CADM1: variants seen among roughly 807,000 people sequenced by gnomAD.
CADM1 encodes cell adhesion molecule 1.
In CADM1, 15 loss-of-function variants were observed where a neutral mutation model predicts 53.1. That is an observed-to-expected ratio of 0.28 (90% CI 0.19 to 0.44). The LOEUF is 0.44. Among genes scored for constraint, CADM1 ranks in the 20% least tolerant of loss-of-function variants. The pLI, the probability that CADM1 is intolerant of heterozygous loss-of-function variation, is 1.00. For synonymous variants in CADM1, 281 were observed against 243.0 expected, an observed-to-expected ratio of 1.16 and a Z score of -1.45; for missense variants, 434 against 611.3, an observed-to-expected ratio of 0.71 and a Z score of 3.06.
intron 1 of CADM1, among the ~76,000 whole-genome samples, chr11:115,455,268 C>T (rs1449418098): frequency 2.0e-5 from 3 of 151,886 alleles, no homozygotes; most frequent in Non-Finnish European, 2.9e-5. Context: ...TTAAAAATCA[C>T]GTGCAACTCC....
At position 115,174,733 on chromosome 11, in the gene CADM1, A is replaced by C; in HGVS notation, c.*1741T>G. On this transcript the variant is annotated 3_prime_UTR_variant, in exon 12 of 12. Coordinates refer to ENST00000331581, the MANE Select transcript of CADM1 (RefSeq NM_001301043.2). ...ATCCAAAATTACTCACTGAAAATGT[A>C]ATAGAATATATATTTATATATATAT... 1.1e-6 allele frequency: 1 copy of C among 888,358 alleles called. No homozygotes were observed. The allele number at this position is 888,358 out of a possible 1,614,324, so 55.0% of individuals were successfully genotyped here. A position where few individuals can be genotyped will look rare whatever the true frequency, so the allele number is the denominator to read the frequency against.
Position 115,176,013 on chromosome 11 carries a change from T to C in CADM1, c.*461A>G, listed in dbSNP as rs935280605. The C allele has an allele frequency of 9.6e-7, 1 of 1,040,508 alleles. No homozygotes were observed. The highest frequency in any genetic ancestry group is 1.2e-6 in the Non-Finnish European group (1 of 864,256). The allele number at this position is 1,040,508 out of a possible 1,614,324, so 64.5% of individuals were successfully genotyped here. On this transcript the variant is annotated 3_prime_UTR_variant, in exon 12 of 12. Transcript: ENST00000331581. Reference sequence around the variant, plus strand: ...CAGTTACCATAAAAATAAACAAAAGTAAAAAACTAGAACAGAAAAGGGAAG... The same window carrying C: ...CAGTTACCATAAAAATAAACAAAAGCAAAAAACTAGAACAGAAAAGGGAAG...
intron 1 of CADM1, 64 bp downstream of exon 1, chr11:115,504,205 CTG>C: frequency 6.4e-7 from 1 of 1,551,202 alleles, no homozygotes; most frequent in Non-Finnish European, 8.7e-7. Flanking sequence ...TTTCCCCCCT[CTG>C]TGGCCAAGGC....
intron 1 of CADM1, among the ~76,000 whole-genome samples, chr11:115,456,810 A>C (rs138366738): frequency 2.1e-3 from 323 of 152,280 alleles, no homozygotes; most frequent in African/African-American, 7.3e-3. Flanking sequence ...CACCATATCA[A>C]TGTAATATTT....
chr11:115,176,064 G>C lies in CADM1; in HGVS notation c.*410C>G. ...GAAAAGAGTCTAAGGAATCCCAGCA[G>C]GCAAATTCCAAAATGGGAGATTTTG... is the stretch of plus-strand genomic sequence containing the variant. On this transcript the variant is annotated 3_prime_UTR_variant, in exon 12 of 12. Transcript: ENST00000331581. The C allele has an allele frequency of 4.6e-6, 5 of 1,086,186 alleles. No individual in the cohort carries two copies. The highest frequency in any genetic ancestry group is 5.6e-6 in the Non-Finnish European group (5 of 890,746). 67.3% of individuals were successfully genotyped at this position (1,086,186 alleles called of 1,614,324 possible). A position where few individuals can be genotyped will look rare whatever the true frequency, so the allele number is the denominator to read the frequency against.
chr11:115,189,499 G>A (rs981997863), intron 10 of CADM1, among the ~76,000 whole-genome samples: 1 of 152,112 alleles, frequency 6.6e-6, no homozygotes, highest in African/African-American at 2.4e-5. Context: ...CCAGAACTGA[G>A]ACTGTCTATT....
intron 1 of CADM1, among the ~76,000 whole-genome samples, chr11:115,363,103 T>A (rs1020690372): frequency 1.3e-5 from 2 of 152,198 alleles, no homozygotes; most frequent in East Asian, 1.9e-4. Flanking sequence ...ATCAATCTTA[T>A]AAGCCAAGCG....
intron 11 of CADM1, 54 bp downstream of exon 11, chr11:115,178,590 C>T (rs1008446421): frequency 1.3e-6 from 2 of 1,593,438 alleles, no homozygotes; most frequent in South Asian, 1.1e-5. Context: ...GTAAAGTCTC[C>T]AAAGGCAGAA....
rs182663294 is a variant in CADM1, at chr11:115,367,884, C to G, written c.125-127464G>C. ...CATTTTCCATATGAGATGATTTCCT[C>G]AAAAAATAAGTTTTTTTAACAACTT... On this transcript the variant is annotated intron_variant, in intron 1 of 11. Coordinates refer to ENST00000331581, the MANE Select transcript of CADM1 (RefSeq NM_001301043.2). 4.6e-3 allele frequency among the ~76,000 whole-genome samples: 693 copies of G among 151,948 alleles called. 12 individuals are homozygous for G. Among genetic ancestry groups the G allele is most frequent in the South Asian group, 0.01 (49 of 4,804 alleles).
intron 1 of CADM1, among the ~76,000 whole-genome samples, chr11:115,296,243 G>T (rs1191860347): frequency 6.6e-6 from 1 of 152,184 alleles, no homozygotes; most frequent in Non-Finnish European, 1.5e-5. Flanking sequence ...GAACGACTGT[G>T]CCTGGCCCAT....
At chr11:115,438,491 C>T (rs1471972462) in intron 1 of CADM1, among the ~76,000 whole-genome samples, 1 of 151,860 alleles carries the variant, frequency 6.6e-6, no homozygotes, top group African/African-American at 2.4e-5. Flanking sequence ...ACAAATCAGA[C>T]AGTCAGAGCT....
chr11:115,340,478 T>G (rs1224082259), intron 1 of CADM1, among the ~76,000 whole-genome samples: 3 of 146,798 alleles, frequency 2.0e-5, no homozygotes, highest in African/African-American at 7.6e-5. Context: ...CTTACTCAGT[T>G]GCTGAAATGT....
chr11:115,441,376 C>G (rs1053540341), intron 1 of CADM1, among the ~76,000 whole-genome samples: 1 of 152,076 alleles, frequency 6.6e-6, no homozygotes, highest in East Asian at 1.9e-4. Flanking sequence ...GAATATAAGA[C>G]AAACACAGAT....
At chr11:115,250,960 G>A (rs1942586403) in intron 1 of CADM1, among the ~76,000 whole-genome samples, 1 of 152,200 alleles carries the variant, frequency 6.6e-6, no homozygotes, top group African/African-American at 2.4e-5. Context: ...AAGAATGAAG[G>A]AGAACTAATG....
chr11:115,194,357 C>T (rs1486520385), intron 9 of CADM1, among the ~76,000 whole-genome samples: 1 of 152,120 alleles, frequency 6.6e-6, no homozygotes, highest in Admixed American at 6.6e-5. Context: ...CCATGGTTTG[C>T]ATTATTTATA....
chr11:115,291,224 G>GA (rs571372420), intron 1 of CADM1, among the ~76,000 whole-genome samples: 21 of 150,416 alleles, frequency 1.4e-4, no homozygotes, highest in South Asian at 4.2e-4. Context: ...TGCTTTGAGG[G>GA]AAAAAAAAAT....
chr11:115,308,175 G>GTGTATA (rs1353212174), intron 1 of CADM1, among the ~76,000 whole-genome samples: 42 of 117,430 alleles, frequency 3.6e-4, no homozygotes, highest in African/African-American at 1.5e-3. Flanking sequence ...GTGTGTGTGT[G>GTGTATA]TATATCACTC....
intron 1 of CADM1, among the ~76,000 whole-genome samples, chr11:115,366,213 C>T (rs1286626343): frequency 1.3e-5 from 2 of 152,198 alleles, no homozygotes; most frequent in East Asian, 1.9e-4. Context: ...CATCACATTT[C>T]TCCGCAGCAC....
intron 1 of CADM1, chr11:115,377,697 TTTA>T (rs1426333035): frequency 6.6e-6 from 1 of 152,224 alleles, no homozygotes; most frequent in Admixed American, 6.5e-5. Context: ...GTATTCTCAC[TTTA>T]TTTTTTTCTG....
Sources: gnomAD v4.1 joint callset for allele counts (sites outside exome capture counted in the v4.1 genomes callset) on GRCh38, gnomAD v4.1.1 for gene constraint, MANE v1.5 for transcripts, NCBI Gene and HGNC (gene_info 2026-07-23, HGNC 2026-07-21) for gene names.